Variants in GPC5 observed in about 807,000 individuals in gnomAD.
The protein encoded by GPC5 is glypican-5.
In GPC5, 47 loss-of-function variants were observed where a neutral mutation model predicts 53.9. The observed-to-expected ratio is 0.87, with a 90% CI of 0.69 to 1.11. GPC5 has a LOEUF of 1.11. Among genes scored for constraint, GPC5 ranks in the 50% most tolerant of loss-of-function variants. The pLI, the probability that GPC5 is intolerant of heterozygous loss-of-function variation, is 0.00. For synonymous variants in GPC5, 286 were observed against 263.3 expected (o/e 1.09, Z -0.84); for missense variants, 748 against 713.1 (o/e 1.05, Z -0.56).
intron 2 of GPC5, among the ~76,000 whole-genome samples, chr13:91,520,694 A>G (rs1386057488): frequency 1.3e-5 from 2 of 151,376 alleles, no homozygotes; most frequent in Non-Finnish European, 2.9e-5. Context: ...ATGTGTGTAT[A>G]TATGTATATA....
intron 2 of GPC5, among the ~76,000 whole-genome samples, chr13:91,647,942 G>A (rs2034601067): frequency 6.6e-6 from 1 of 152,146 alleles, no homozygotes; most frequent in Non-Finnish European, 1.5e-5. Flanking sequence ...TAAATTTGAG[G>A]CCAATAATGA....
At chr13:92,296,779 GC>G (rs1363319697) in intron 7 of GPC5, among the ~76,000 whole-genome samples, 1 of 152,230 alleles carries the variant, frequency 6.6e-6, no homozygotes, top group Non-Finnish European at 1.5e-5. Context: ...AGCCCTGCTG[GC>G]CCCGGGCAAT....
chr13:91,585,679 G>T (rs9523366), intron 2 of GPC5, among the ~76,000 whole-genome samples: 73,025 of 152,012 alleles, frequency 0.48, 21,533 homozygotes, highest in East Asian at 0.72. Flanking sequence ...CTTCCAAGAT[G>T]CTGGTGATGG....
At chr13:92,745,322 A>G (rs751278425) in intron 7 of GPC5, among the ~76,000 whole-genome samples, 1 of 152,120 alleles carries the variant, frequency 6.6e-6, no homozygotes, top group Non-Finnish European at 1.5e-5. Context: ...GATACTTCCA[A>G]CACACTGGGT....
intron 7 of GPC5, among the ~76,000 whole-genome samples, chr13:92,589,815 G>A (rs1271896157): frequency 6.6e-6 from 1 of 152,160 alleles, no homozygotes; most frequent in Admixed American, 6.5e-5. Flanking sequence ...ATTCATCATT[G>A]TTTCACATGT....
intron 7 of GPC5, among the ~76,000 whole-genome samples, chr13:92,803,652 G>T (rs1021171877): frequency 6.6e-6 from 1 of 151,704 alleles, no homozygotes; most frequent in Non-Finnish European, 1.5e-5. Flanking sequence ...CCCTAAACTT[G>T]TAACTTTTTC....
intron 7 of GPC5, among the ~76,000 whole-genome samples, chr13:92,761,316 C>G (rs1490053295): frequency 6.6e-6 from 1 of 152,128 alleles, no homozygotes; most frequent in Non-Finnish European, 1.5e-5. Context: ...TATAGGAATG[C>G]CCCTCTGTGC....
intron 2 of GPC5, among the ~76,000 whole-genome samples, chr13:91,531,832 A>G (rs2138668387): frequency 6.6e-6 from 1 of 152,326 alleles, no homozygotes; most frequent in Middle Eastern, 3.4e-3. Flanking sequence ...TTGTCATTCA[A>G]CTTGATGTTT....
At position 91,721,108 on chromosome 13, in the gene GPC5, TCTTTCTTTCTTTCTTTC is replaced by T. The variant is rs1428141571; in HGVS notation, c.1021-7423_1021-7407del. ...TTCTTTCTTTCTTTCTTTCTTTCTT[TCTTTCTTTCTTTCTTTC>T]TTTCTTTCTTTCTTTTTTTGGGTGG... is the stretch of plus-strand genomic sequence containing the variant. On this transcript the variant is annotated intron_variant, in intron 3 of 7. Coordinates refer to ENST00000377067, the MANE Select transcript of GPC5 (RefSeq NM_004466.6). Among the ~76,000 whole-genome samples, 12 of 147,574 alleles carry T rather than the reference TCTTTCTTTCTTTCTTTC, an allele frequency of 8.1e-5. No homozygotes were observed. In the Admixed American group the frequency reaches 8.2e-4, roughly 10 times the overall value.
At chr13:92,752,862 G>A (rs1874640852) in intron 7 of GPC5, among the ~76,000 whole-genome samples, 2 of 152,158 alleles carry the variant, frequency 1.3e-5, no homozygotes, top group African/African-American at 2.4e-5. Context: ...CTCGCTGATT[G>A]CTAGCACAGC....
intron 7 of GPC5, among the ~76,000 whole-genome samples, chr13:92,672,412 G>A (rs183424861): frequency 0.015 from 2,210 of 152,208 alleles, 66 homozygotes; most frequent in African/African-American, 0.05. Context: ...TGAAGAAAAA[G>A]GAATGCTTAT....
intron 6 of GPC5, among the ~76,000 whole-genome samples, chr13:91,924,234 T>G (rs1320253962): frequency 6.6e-6 from 1 of 152,238 alleles, no homozygotes; most frequent in South Asian, 2.1e-4. Flanking sequence ...TACTTAATTC[T>G]GATTTAAGTT....
At chr13:92,588,343 G>A (rs1360302932) in intron 7 of GPC5, among the ~76,000 whole-genome samples, 1 of 152,126 alleles carries the variant, frequency 6.6e-6, no homozygotes, top group African/African-American at 2.4e-5. Context: ...ATACCCAAAG[G>A]ATTCTAAATC....
intron 7 of GPC5, among the ~76,000 whole-genome samples, chr13:92,294,826 CTTTTTTTTT>C (rs147963724): frequency 8.1e-5 from 8 of 99,014 alleles, no homozygotes; most frequent in Non-Finnish European, 1.1e-4. Context: ...TTTTTTTTTT[CTTTTTTTTT>C]TTTTTTTTTC....
chr13:91,769,002 A>G (rs1341505366), intron 5 of GPC5, among the ~76,000 whole-genome samples: 1 of 151,408 alleles, frequency 6.6e-6, no homozygotes, highest in Non-Finnish European at 1.5e-5. Flanking sequence ...AAACAAAAAC[A>G]AAACCAGTCT....
chr13:92,025,082 C>T (rs1280799483), intron 6 of GPC5, among the ~76,000 whole-genome samples: 1 of 152,106 alleles, frequency 6.6e-6, no homozygotes, highest in Non-Finnish European at 1.5e-5. Context: ...ACTGTCTTCA[C>T]TTACCATATT....
chr13:92,475,124 G>C (rs536082006), intron 7 of GPC5, among the ~76,000 whole-genome samples: 5 of 152,242 alleles, frequency 3.3e-5, no homozygotes, highest in African/African-American at 4.8e-5. Flanking sequence ...AACAGTTGAA[G>C]TCAGGTAGTG....
At chr13:92,664,180 AAGGC>A (rs1886491037) in intron 7 of GPC5, among the ~76,000 whole-genome samples, 1 of 151,978 alleles carries the variant, frequency 6.6e-6, no homozygotes. Flanking sequence ...AGTTGTATGT[AAGGC>A]TAGTCTGGAG....
intron 7 of GPC5, among the ~76,000 whole-genome samples, chr13:92,776,081 G>A (rs1875793488): frequency 6.6e-6 from 1 of 152,156 alleles, no homozygotes; most frequent in South Asian, 2.1e-4. Context: ...GACAAGTCTG[G>A]AGATCAGAAT....
Sources: allele counts gnomAD v4.1 joint callset (sites outside exome capture counted in the v4.1 genomes callset), GRCh38; gene constraint gnomAD v4.1.1; transcripts MANE v1.5; gene names NCBI Gene and HGNC (gene_info 2026-07-23, HGNC 2026-07-21).